PTPRN2: variants seen among roughly 807,000 people sequenced by gnomAD.
PTPRN2 encodes the protein receptor-type tyrosine-protein phosphatase N2.
Under a neutral mutation model 118.8 loss-of-function variants are expected in PTPRN2, and 74 were observed. That is an observed-to-expected ratio of 0.62 (90% CI 0.52 to 0.76). The LOEUF (loss-of-function observed/expected upper bound fraction) is 0.76. Among genes scored for constraint, PTPRN2 ranks in the 30% least tolerant of loss-of-function variants. The pLI is 0.00. For synonymous variants in PTPRN2, 641 were observed against 608.0 expected (o/e 1.05, Z -0.80); for missense variants, 1,481 against 1,394.4 (o/e 1.06, Z -0.99).
chr7:158,516,471 C>T (rs1168838907), intron 1 of PTPRN2, among the ~76,000 whole-genome samples: 1 of 152,242 alleles, frequency 6.6e-6, no homozygotes, highest in Non-Finnish European at 1.5e-5. Context: ...CCCAGCCTGC[C>T]TTGCACCCAG....
chr7:157,803,895 A>G (rs556472662), intron 12 of PTPRN2, among the ~76,000 whole-genome samples: 1 of 152,168 alleles, frequency 6.6e-6, no homozygotes, highest in South Asian at 2.1e-4. Flanking sequence ...CATGATGGCA[A>G]AATATGTCAA....
chr7:157,965,324 G>C (rs528098519), intron 11 of PTPRN2, among the ~76,000 whole-genome samples: 1 of 152,250 alleles, frequency 6.6e-6, no homozygotes, highest in African/African-American at 2.4e-5. Context: ...CTGGAGCATA[G>C]CCCTTTCCTG....
At chr7:157,734,377 G>A (rs1800179697) in intron 12 of PTPRN2, among the ~76,000 whole-genome samples, 1 of 152,250 alleles carries the variant, frequency 6.6e-6, no homozygotes, top group Non-Finnish European at 1.5e-5. Context: ...TAGGCTTCCA[G>A]GGTAGGTACT....
chr7:157,876,504 A>G (rs1795775721), intron 12 of PTPRN2, among the ~76,000 whole-genome samples: 1 of 152,200 alleles, frequency 6.6e-6, no homozygotes. Context: ...ACCACCACAA[A>G]TAATCTAGTT....
chr7:158,032,846 C>T (rs926187859), intron 11 of PTPRN2, among the ~76,000 whole-genome samples: 3 of 152,104 alleles, frequency 2.0e-5, no homozygotes, highest in South Asian at 4.2e-4. Flanking sequence ...TTCCATGCCT[C>T]CAGGTTTTCA....
At chr7:158,102,272 T>A (rs1201826551) in intron 10 of PTPRN2, among the ~76,000 whole-genome samples, 1 of 152,214 alleles carries the variant, frequency 6.6e-6, no homozygotes, top group Non-Finnish European at 1.5e-5. Context: ...AGAAGGGCTT[T>A]GCCAGAGGAA....
intron 5 of PTPRN2, among the ~76,000 whole-genome samples, chr7:158,183,719 A>G (rs946539636): frequency 2.6e-5 from 4 of 152,146 alleles, no homozygotes; most frequent in Admixed American, 1.3e-4. Context: ...GTGGGGGTGC[A>G]TATCTTGGAG....
intron 2 of PTPRN2, among the ~76,000 whole-genome samples, chr7:158,378,393 A>G (rs1810712807): frequency 6.6e-6 from 1 of 152,144 alleles, no homozygotes; most frequent in Non-Finnish European, 1.5e-5. Context: ...TAGGGACTTA[A>G]GCTCCTTTTC....
At chr7:158,446,260 T>A (rs1266201449) in intron 2 of PTPRN2, among the ~76,000 whole-genome samples, 2 of 152,238 alleles carry the variant, frequency 1.3e-5, no homozygotes, top group Admixed American at 1.3e-4. Context: ...AGAGAAAAAT[T>A]ACCCCCAATC....
chr7:158,578,537 T>TA (rs59811856), intron 1 of PTPRN2, among the ~76,000 whole-genome samples: 35,811 of 125,874 alleles, frequency 0.28, 5,233 homozygotes, highest in East Asian at 0.35. Flanking sequence ...CCTGTCTCTG[T>TA]AAAAAAAAAA....
At chr7:158,048,716 A>G (rs1809072808) in intron 11 of PTPRN2, among the ~76,000 whole-genome samples, 1 of 151,944 alleles carries the variant, frequency 6.6e-6, no homozygotes, top group Admixed American at 6.6e-5. Context: ...CACCATCACC[A>G]TCATATCACC....
intron 16 of PTPRN2, among the ~76,000 whole-genome samples, chr7:157,600,531 C>T (rs953728204): frequency 6.6e-6 from 1 of 152,154 alleles, no homozygotes; most frequent in African/African-American, 2.4e-5. Flanking sequence ...AATGTTTCTT[C>T]TGCCTCAGCT....
intron 22 of PTPRN2, among the ~76,000 whole-genome samples, chr7:157,545,621 G>T (rs1361165299): frequency 6.6e-6 from 1 of 152,150 alleles, no homozygotes; most frequent in Non-Finnish European, 1.5e-5. Context: ...AGATGATGGA[G>T]TTTGTGGTCG....
At chr7:158,468,403 C>G (rs564126885) in intron 2 of PTPRN2, among the ~76,000 whole-genome samples, 1 of 152,352 alleles carries the variant, frequency 6.6e-6, no homozygotes, top group South Asian at 2.1e-4. Flanking sequence ...ATCCTCAACT[C>G]TGATAGCACA....
chr7:158,329,806 C>A (rs546160200), intron 2 of PTPRN2, among the ~76,000 whole-genome samples: 1 of 152,274 alleles, frequency 6.6e-6, no homozygotes, highest in African/African-American at 2.4e-5. Flanking sequence ...CATGGTCCCA[C>A]TTCACCGCTC....
In PTPRN2 at chr7:157,977,980, C is replaced by G. The variant is rs138524761; in HGVS notation, c.1724-79243G>C. Among the ~76,000 whole-genome samples, 3 of 152,004 alleles carry G rather than the reference C, an allele frequency of 2.0e-5. No individual in the cohort carries two copies. Among genetic ancestry groups the G allele is most frequent in the African/African-American group, 7.2e-5 (3 of 41,528 alleles). ...CAGGCACCTTTGGTAACTAGGCCCACAACAGATCCTGAACTCCCTGTACGT... is the reference window on the plus strand; with the variant it reads ...CAGGCACCTTTGGTAACTAGGCCCAGAACAGATCCTGAACTCCCTGTACGT... On this transcript the variant is annotated intron_variant, in intron 11 of 22. Transcript: ENST00000389418. This position sits in a 1 kb window ranked among gnomAD's most constrained non-coding sequence, Gnocchi z 4.6.
chr7:158,566,126 G>A (rs1237486264), intron 1 of PTPRN2, among the ~76,000 whole-genome samples: 2 of 152,310 alleles, frequency 1.3e-5, no homozygotes, highest in East Asian at 3.9e-4. Flanking sequence ...GCCAAGGTGG[G>A]TGGATCACCT....
At chr7:157,797,382 G>A (rs1239189025) in intron 12 of PTPRN2, among the ~76,000 whole-genome samples, 1 of 152,212 alleles carries the variant, frequency 6.6e-6, no homozygotes, top group Non-Finnish European at 1.5e-5. Flanking sequence ...ATTTACACCT[G>A]ATATTTACAA....
At chr7:158,334,926 C>T (rs186657660) in intron 2 of PTPRN2, among the ~76,000 whole-genome samples, 6 of 9,104 alleles carry the variant, frequency 6.6e-4, no homozygotes, top group Admixed American at 2.8e-3. Context: ...TCACCATAAG[C>T]GCTGTCGTCC....
Sources: gnomAD v4.1 joint callset for allele counts (sites outside exome capture counted in the v4.1 genomes callset) on GRCh38, gnomAD v4.1.1 for gene constraint, Gnocchi (gnomAD v3.1) non-coding constraint, MANE v1.5 for transcripts, NCBI Gene and HGNC (gene_info 2026-07-23, HGNC 2026-07-21) for gene names.